Variants in ZNF778 observed in about 807,000 individuals in gnomAD.
ZNF778 encodes the protein zinc finger protein 778.
Under a neutral mutation model 23.9 loss-of-function variants are expected in ZNF778, and 37 were observed. That is an observed-to-expected ratio of 1.54 (90% CI 1.19 to 2.03). ZNF778 has a LOEUF of 2.03. Ranked by LOEUF, ZNF778 falls within the 30% of genes most tolerant of loss-of-function variation. The pLI is 0.00. For synonymous variants in ZNF778, 483 were observed against 343.9 expected, an observed-to-expected ratio of 1.40 and a Z score of -4.48; for missense variants, 1,297 against 934.4, an observed-to-expected ratio of 1.39 and a Z score of -5.06.
rs1292388946 is a variant in ZNF778 at position 89,236,180 on chromosome 16, AAAG to A, written c.*7624_*7626del. The A allele has an allele frequency of 6.6e-6, 1 of 152,160 alleles. No individual in the cohort carries two copies. Among genetic ancestry groups the A allele is most frequent in the Non-Finnish European group, 1.5e-5 (1 of 68,152 alleles). 9.4% of individuals were successfully genotyped at this position (152,160 alleles called of 1,614,324 possible). On this transcript the variant is annotated 3_prime_UTR_variant, in exon 7 of 7. Coordinates refer to ENST00000433976, the MANE Select transcript of ZNF778 (RefSeq NM_001201407.2). ...CAACAGAGCGAGACTCTGTCTCAAA[AAAG>A]AAGAAAGAAAAGAAAACCAAGCCCC...
rs995273654 is a variant in ZNF778 at position 89,236,007 on chromosome 16, A to AAAG, written c.*7447_*7448insGAA. On this transcript the variant is annotated 3_prime_UTR_variant, in exon 7 of 7. Coordinates refer to ENST00000433976, the MANE Select transcript of ZNF778 (RefSeq NM_001201407.2). ...CCTCGTCTCTAGTAAAAAAAAAAAA[A>AAAG]AAAAAGAAAAATACAAAAATTTAGT... is the stretch of plus-strand genomic sequence containing the variant. The AAAG allele has an allele frequency of 4.0e-5, 6 of 151,644 alleles. No individual in the cohort carries two copies. The highest frequency in any genetic ancestry group is 3.2e-3 in the Middle Eastern group (1 of 314). The allele number at this position is 151,644 out of a possible 1,614,324, so 9.4% of individuals were successfully genotyped here.
At chr16:89,224,533 C>T (rs538138742) in intron 4 of ZNF778, 186 bp from the exon 5 acceptor site, 39 of 497,200 alleles carry the variant, frequency 7.8e-5, no homozygotes, top group African/African-American at 6.4e-4. Context: ...GCAAGAGAAT[C>T]ACTTGAACCC....
chr16:89,229,672 T>C lies in ZNF778; in HGVS notation c.*1110T>C. On this transcript the variant is annotated 3_prime_UTR_variant, in exon 7 of 7. Transcript: ENST00000433976. ...AGTCTTGAGGATCCAGATGTGATCC[T>C]GCGTGAGCAGCGTAGGCTCTGGTTG... is the stretch of plus-strand genomic sequence containing the variant. 2.0e-6 allele frequency: 2 copies of C among 981,200 alleles called. No homozygotes were observed. Among genetic ancestry groups the C allele is most frequent in the Non-Finnish European group, 2.4e-6 (2 of 829,226 alleles). The allele number at this position is 981,200 out of a possible 1,614,324, so 60.8% of individuals were successfully genotyped here. A position where few individuals can be genotyped will look rare whatever the true frequency, so the allele number is the denominator to read the frequency against.
Position 89,221,103 on chromosome 16 carries a change from C to T in ZNF778, c.-25C>T. 1 of 1,564,300 alleles carries T rather than the reference C, an allele frequency of 6.4e-7. No individual in the cohort carries two copies. Among genetic ancestry groups the T allele is most frequent in the Non-Finnish European group, 8.7e-7 (1 of 1,154,018 alleles). On this transcript the variant is annotated 5_prime_UTR_variant, in exon 2 of 7. Transcript: ENST00000433976. ...GCCTTGGCTTCAGGAAAGGAGCATT[C>T]AGACGCTTCCGTCAGCCTCCCAGGA...
rs115190557 is a variant in ZNF778 at position 89,221,491 on chromosome 16, C to T, written c.25+339C>T. Among the ~76,000 whole-genome samples the T allele has an allele frequency of 1.2e-3, 179 of 152,246 alleles. 1 individual carries two copies. Among genetic ancestry groups the T allele is most frequent in the African/African-American group, 4.0e-3 (168 of 41,540 alleles). On this transcript the variant is annotated intron_variant, in intron 2 of 6. Transcript: ENST00000433976. ...TTGTGTCACCAGGCGAAACAGACTA[C>T]CCTGGCACTGTATGGCTGTGTGTGT...
rs57302772 is a variant in ZNF778 at position 89,230,242 on chromosome 16, T to A, written c.*1680T>A. 0.051 allele frequency: 11,734 copies of A among 229,270 alleles called. 1,044 individuals are homozygous for A. The highest frequency in any genetic ancestry group is 0.21 in the African/African-American group (9,047 of 42,842). 14.2% of individuals were successfully genotyped at this position (229,270 alleles called of 1,614,324 possible). On this transcript the variant is annotated 3_prime_UTR_variant, in exon 7 of 7. Transcript: ENST00000433976. ...GGGCAGAGTGGAGAGGGGCGAGGTC[T>A]GTACCCTGAGATGCCCCCGTTTCAT...
Position 89,228,470 on chromosome 16 carries a change from GTT to G in ZNF778, c.2186_2187del (p.Phe729CysfsTer3). The G allele has an allele frequency of 6.2e-7, 1 of 1,613,702 alleles. No homozygotes were observed. The highest frequency in any genetic ancestry group is 1.3e-5 in the African/African-American group (1 of 75,002). On this transcript the variant is annotated frameshift_variant, in exon 7 of 7. Coordinates refer to ENST00000433976, the MANE Select transcript of ZNF778 (RefSeq NM_001201407.2). LOFTEE classifies it low-confidence loss of function (END_TRUNC). ...TTTAAAAACTTACACTGAAGAGCAGGTTTTTGTATGTAAGGACTGTGGAAAAT... is the reference window on the plus strand; with the variant it reads ...TTTAAAAACTTACACTGAAGAGCAGGTTTGTATGTAAGGACTGTGGAAAAT... ...EHLKTYTEEQ[V>X]FVCKDCGKSF... is the part of the protein sequence containing the mutation.
At position 89,236,840 on chromosome 16, in the gene ZNF778, G is replaced by T. The variant is rs1012409625; in HGVS notation, c.*8278G>T. 1 of 152,284 alleles carries T rather than the reference G, an allele frequency of 6.6e-6. No individual in the cohort carries two copies. The highest frequency in any genetic ancestry group is 1.5e-5 in the Non-Finnish European group (1 of 68,110). 9.4% of individuals were successfully genotyped at this position (152,284 alleles called of 1,614,324 possible). ...TAATCCCACCACTTTGGGAGAGTGA[G>T]GTGGGTGGATCACTTGAGGTCAGGA... On this transcript the variant is annotated 3_prime_UTR_variant, in exon 7 of 7. Transcript: ENST00000433976.
chr16:89,223,907 C>T (rs1369947948), intron 4 of ZNF778, among the ~76,000 whole-genome samples: 6 of 152,068 alleles, frequency 3.9e-5, no homozygotes, highest in Admixed American at 1.3e-4. Context: ...TGGCCGGGCG[C>T]GGTGGCTCAT....
rs1753972731 is a variant in ZNF778, at chr16:89,230,072, G to C, written c.*1510G>C. On this transcript the variant is annotated 3_prime_UTR_variant, in exon 7 of 7. Transcript: ENST00000433976. ...GTATGAGCAGCGTAGGCTCTGGTTG[G>C]TTAGTCATGCTCTTAGGCATGACCC... The C allele has an allele frequency of 1.0e-5, 10 of 968,716 alleles. No homozygotes were observed. The highest frequency in any genetic ancestry group is 1.2e-5 in the Non-Finnish European group (10 of 815,056). 60.0% of individuals were successfully genotyped at this position (968,716 alleles called of 1,614,324 possible).
rs1312339277 is a variant in ZNF778 at position 89,223,284 on chromosome 16, G to A, written c.244+1G>A. 6.2e-6 allele frequency: 10 copies of A among 1,613,772 alleles called. No individual in the cohort carries two copies. Among genetic ancestry groups the A allele is most frequent in the Admixed American group, 1.7e-5 (1 of 59,898 alleles). ...AACTACGAGAACCTGGCCTCAGTAG[G>A]TGAGGCTGCCACCGTCCTTTGCAAC... On this transcript the variant is annotated splice_donor_variant, in intron 4 of 6. Coordinates refer to ENST00000433976, the MANE Select transcript of ZNF778 (RefSeq NM_001201407.2). LOFTEE classifies it high-confidence loss of function.
At chr16:89,224,316 T>C (rs2031262742) in intron 4 of ZNF778, among the ~76,000 whole-genome samples, 1 of 152,114 alleles carries the variant, frequency 6.6e-6, no homozygotes, top group Non-Finnish European at 1.5e-5. Flanking sequence ...GGCTCACGCC[T>C]GTAATCCGAG....
chr16:89,228,434 C>G lies in ZNF778; in HGVS notation c.2146C>G (p.Leu716Val). The G allele has an allele frequency of 6.2e-7, 1 of 1,613,902 alleles. No individual in the cohort carries two copies. Among genetic ancestry groups the G allele is most frequent in the Non-Finnish European group, 8.5e-7 (1 of 1,179,870 alleles). ...CGKAYNRFYL[L>V]KEHLKTYTEE... ...GAAAGCATACAATAGGTTTTATCTACTAAAAGAACATTTAAAAACTTACAC... is the reference window on the plus strand; with the variant it reads ...GAAAGCATACAATAGGTTTTATCTAGTAAAAGAACATTTAAAAACTTACAC... The change falls in exon 7 of 7, where the codon CTA (leucine) becomes GTA (valine). Residue 716 changes from leucine to valine, a missense_variant. By Grantham distance (32) the Leu-to-Val change is conservative (BLOSUM62 1). Transcript: ENST00000433976.
intron 1 of ZNF778, among the ~76,000 whole-genome samples, chr16:89,220,580 C>A (rs150807651): frequency 6.6e-6 from 1 of 152,172 alleles, no homozygotes; most frequent in South Asian, 2.1e-4. Flanking sequence ...ATTGCTTGAA[C>A]CTGGGAGGCA....
chr16:89,233,867 C>G lies in ZNF778; in HGVS notation c.*5305C>G, dbSNP rs764416540. The G allele has an allele frequency of 2.3e-6, 3 of 1,289,846 alleles. No homozygotes were observed. The African/African-American group carries it at 4.6e-5, about 20-fold the overall frequency. 79.9% of individuals were successfully genotyped at this position (1,289,846 alleles called of 1,614,324 possible). A position where few individuals can be genotyped will look rare whatever the true frequency, so the allele number is the denominator to read the frequency against. ...GGCCACTTCCTTTTTCTAACTACCA[C>G]ACCAAGCCAGTATTTCTCCTCCCTG... On this transcript the variant is annotated 3_prime_UTR_variant, in exon 7 of 7. Transcript: ENST00000433976.
chr16:89,233,992 C>G lies in ZNF778; in HGVS notation c.*5430C>G, dbSNP rs2032157165. On this transcript the variant is annotated 3_prime_UTR_variant, in exon 7 of 7. Transcript: ENST00000433976. ...AGCCAGCCCCAGACTTCATCCTGCCCTGTCCTGCCTTTCCTGTGAAAACCC... is the reference window on the plus strand; with the variant it reads ...AGCCAGCCCCAGACTTCATCCTGCCGTGTCCTGCCTTTCCTGTGAAAACCC... 3 of 1,210,226 alleles carry G rather than the reference C, an allele frequency of 2.5e-6. No homozygotes were observed. In the African/African-American group the frequency reaches 4.7e-5, roughly 19 times the overall value. The allele number at this position is 1,210,226 out of a possible 1,614,324, so 75.0% of individuals were successfully genotyped here. A position where few individuals can be genotyped will look rare whatever the true frequency, so the allele number is the denominator to read the frequency against.
At position 89,232,254 on chromosome 16, in the gene ZNF778, G is replaced by A. The variant is rs769879658; in HGVS notation, c.*3692G>A. On this transcript the variant is annotated 3_prime_UTR_variant, in exon 7 of 7. Transcript: ENST00000433976. ...AGCATGGTTGTGATAAAGCCAAGCCGTCCCTCGGGTTTGGCTCACTGCCCT... is the reference window on the plus strand; with the variant it reads ...AGCATGGTTGTGATAAAGCCAAGCCATCCCTCGGGTTTGGCTCACTGCCCT... 2.7e-5 allele frequency: 5 copies of A among 184,354 alleles called. No homozygotes were observed. The highest frequency in any genetic ancestry group is 1.1e-4 in the South Asian group (1 of 9,292). 11.4% of individuals were successfully genotyped at this position (184,354 alleles called of 1,614,324 possible).
At position 89,234,868 on chromosome 16, in the gene ZNF778, A is replaced by G. The variant is rs1485864772; in HGVS notation, c.*6306A>G. 1 of 152,246 alleles carries G rather than the reference A, an allele frequency of 6.6e-6. No homozygotes were observed. The highest frequency in any genetic ancestry group is 1.5e-5 in the Non-Finnish European group (1 of 68,088). The allele number at this position is 152,246 out of a possible 1,614,324, so 9.4% of individuals were successfully genotyped here. ...GAAGCACAGATTGCAGTGAACCGAG[A>G]TCGCGCCACTGCACTCCAGCCTGGC... On this transcript the variant is annotated 3_prime_UTR_variant, in exon 7 of 7. Transcript: ENST00000433976.
In ZNF778 at chr16:89,232,816, C is replaced by A. The variant is rs776509257; in HGVS notation, c.*4254C>A. ...ACATCAACTCACTGCATATGCAACT[C>A]AACTCACACCGTATATGCAACTCAA... On this transcript the variant is annotated 3_prime_UTR_variant, in exon 7 of 7. Transcript: ENST00000433976. 7.8e-7 allele frequency: 1 copy of A among 1,289,294 alleles called. No individual in the cohort carries two copies. The allele number at this position is 1,289,294 out of a possible 1,614,324, so 79.9% of individuals were successfully genotyped here.
Sources: gnomAD v4.1 joint callset for allele counts (sites outside exome capture counted in the v4.1 genomes callset) on GRCh38, gnomAD v4.1.1 for gene constraint, MANE v1.5 for transcripts, NCBI Gene and HGNC (gene_info 2026-07-23, HGNC 2026-07-21) for gene names.